FTO: variants seen among roughly 807,000 people sequenced by gnomAD.
FTO encodes the protein alpha-ketoglutarate-dependent dioxygenase FTO.
Under a neutral mutation model 63.9 loss-of-function variants are expected in FTO, and 47 were observed. That is an observed-to-expected ratio of 0.74 (90% CI 0.58 to 0.94). The LOEUF is 0.94. Among genes scored for constraint, FTO ranks in the 40% least tolerant of loss-of-function variants. The pLI is 0.00. For synonymous variants in FTO, 207 were observed against 224.4 expected (o/e 0.92, Z 0.69); for missense variants, 562 against 618.1 (o/e 0.91, Z 0.96).
chr16:53,871,499 TTA>T (rs200100946), intron 4 of FTO, among the ~76,000 whole-genome samples: 3 of 151,288 alleles, frequency 2.0e-5, no homozygotes, highest in Non-Finnish European at 3.0e-5. Context: ...GAAGCTTCAC[TTA>T]TATATATATA....
At chr16:54,063,296 A>AG (rs765641049) in intron 8 of FTO, among the ~76,000 whole-genome samples, 11 of 152,156 alleles carry the variant, frequency 7.2e-5, no homozygotes, top group Non-Finnish European at 1.6e-4. Flanking sequence ...AAGCGGAAGC[A>AG]GGGGGGCCCT....
At chr16:53,876,505 G>A (rs2151884163) in intron 5 of FTO, among the ~76,000 whole-genome samples, 1 of 152,308 alleles carries the variant, frequency 6.6e-6, no homozygotes, top group East Asian at 1.9e-4. Context: ...AGGACCCATG[G>A]AATGGGAGAA....
chr16:53,869,986 G>A (rs1255285286), intron 4 of FTO, among the ~76,000 whole-genome samples: 1 of 152,110 alleles, frequency 6.6e-6, no homozygotes, highest in African/African-American at 2.4e-5. Context: ...GTGGTGGTAA[G>A]GTATGTTGGG....
chr16:53,832,275 A>C (rs1384185085), intron 3 of FTO, among the ~76,000 whole-genome samples: 2 of 152,216 alleles, frequency 1.3e-5, no homozygotes, highest in Non-Finnish European at 2.9e-5. Flanking sequence ...AATAAGCTAT[A>C]CATATTGAAC....
chr16:53,743,527 C>T (rs535476365), intron 1 of FTO, among the ~76,000 whole-genome samples: 21 of 149,904 alleles, frequency 1.4e-4, no homozygotes, highest in African/African-American at 4.2e-4. Flanking sequence ...ATATCTCTTT[C>T]TCACTTATAA....
chr16:53,921,119 C>T lies in FTO; in HGVS notation c.1240-12866C>T, dbSNP rs375359589. On this transcript the variant is annotated intron_variant, in intron 7 of 8. Coordinates refer to ENST00000471389, the MANE Select transcript of FTO (RefSeq NM_001080432.3). ...TAGGGCCGCAGACAAAAGGCCTGTGCCCTTCCTGCATTCACAATGTTTCCA... is the reference window on the plus strand; with the variant it reads ...TAGGGCCGCAGACAAAAGGCCTGTGTCCTTCCTGCATTCACAATGTTTCCA... Among the ~76,000 whole-genome samples, 15 of 152,338 alleles carry T rather than the reference C, an allele frequency of 9.8e-5. 1 individual carries two copies. In the South Asian group the frequency reaches 1.0e-3, roughly 11 times the overall value.
rs779539101 is a variant in FTO at position 53,825,908 on chromosome 16, T to C, written c.168T>C (p.Ser56=). 6 of 1,613,898 alleles carry C rather than the reference T, an allele frequency of 3.7e-6. No individual in the cohort carries two copies. The African/African-American group carries it at 6.7e-5, about 18-fold the overall frequency. The change falls in exon 3 of 9, where the codon AGT becomes AGC. Residue 56 remains serine (S), a synonymous_variant. Transcript: ENST00000471389. ...AACTAATTCTCCGAGAAGCCAGCAG[T>C]GTATCTGAGGAGCTCCATAAAGAGG... ...YPKLILREAS[S]VSEELHKEVQ...
intron 8 of FTO, among the ~76,000 whole-genome samples, chr16:54,054,255 A>G (rs1474562196): frequency 6.6e-6 from 1 of 152,182 alleles, no homozygotes; most frequent in East Asian, 1.9e-4. Context: ...AATTAACTCC[A>G]TTACACTAAC....
At chr16:53,749,588 G>A (rs2076734225) in intron 1 of FTO, among the ~76,000 whole-genome samples, 1 of 151,924 alleles carries the variant, frequency 6.6e-6, no homozygotes, top group Non-Finnish European at 1.5e-5. Context: ...ACAGGCGCCC[G>A]CCATCACGCC....
At chr16:53,842,865 G>A (rs893983956) in intron 3 of FTO, among the ~76,000 whole-genome samples, 2 of 152,066 alleles carry the variant, frequency 1.3e-5, no homozygotes, top group African/African-American at 4.8e-5. Context: ...TGTAGAGGTA[G>A]GGTTTCACCA....
chr16:53,725,783 C>T (rs1200640663), intron 1 of FTO, among the ~76,000 whole-genome samples: 1 of 152,104 alleles, frequency 6.6e-6, no homozygotes, highest in Non-Finnish European at 1.5e-5. Flanking sequence ...AGTGTTGCCT[C>T]TGGTGTAGAC....
rs116369721 is a variant in FTO, at chr16:54,094,344, G to A, written c.1365-17418G>A. ...GCTCCAGTGGGCTTTATTCAGTGGC[G>A]GCATTGCTAGCAGCACCGCAAAAAC... On this transcript the variant is annotated intron_variant, in intron 8 of 8. Coordinates refer to ENST00000471389, the MANE Select transcript of FTO (RefSeq NM_001080432.3). Among the ~76,000 whole-genome samples the A allele has an allele frequency of 5.4e-3, 818 of 152,234 alleles. 8 individuals are homozygous for A. Among genetic ancestry groups the A allele is most frequent in the African/African-American group, 0.018 (754 of 41,546 alleles).
At chr16:53,888,713 C>T in intron 6 of FTO, 119 bp from the exon 7 acceptor site, 10 of 1,088,948 alleles carry the variant, frequency 9.2e-6, no homozygotes, top group Non-Finnish European at 1.4e-5. Context: ...TGACCTTTCT[C>T]ACCTTTTCTC....
At chr16:53,946,051 C>CGAA (rs2082643879) in intron 8 of FTO, among the ~76,000 whole-genome samples, 1 of 152,042 alleles carries the variant, frequency 6.6e-6, no homozygotes, top group Admixed American at 6.6e-5. Context: ...CTCTGGCTTT[C>CGAA]AGTTGAGGAA....
chr16:54,033,593 G>A (rs1307991966), intron 8 of FTO, among the ~76,000 whole-genome samples: 3 of 152,120 alleles, frequency 2.0e-5, no homozygotes, highest in Middle Eastern at 3.2e-3. Context: ...TGACACAGGA[G>A]GACCCTTGAG....
intron 3 of FTO, among the ~76,000 whole-genome samples, chr16:53,842,765 C>T (rs2079512533): frequency 6.6e-6 from 1 of 152,166 alleles, no homozygotes; most frequent in Non-Finnish European, 1.5e-5. Flanking sequence ...CCTCCACCTC[C>T]CAGGCTCCAG....
intron 1 of FTO, among the ~76,000 whole-genome samples, chr16:53,769,260 C>T (rs1021542875): frequency 6.6e-5 from 10 of 152,132 alleles, no homozygotes; most frequent in Non-Finnish European, 1.3e-4. Flanking sequence ...CCTTGGAGTT[C>T]ATGTTTTCAC....
At chr16:53,920,890 T>G (rs1017216209) in intron 7 of FTO, among the ~76,000 whole-genome samples, 5 of 152,216 alleles carry the variant, frequency 3.3e-5, no homozygotes, top group African/African-American at 1.2e-4. Flanking sequence ...CAGTAGGACC[T>G]TCTGGCTTCA....
chr16:53,860,519 G>C (rs1181785631), intron 4 of FTO, among the ~76,000 whole-genome samples: 1 of 152,170 alleles, frequency 6.6e-6, no homozygotes, highest in African/African-American at 2.4e-5. Flanking sequence ...GCTGGCATCT[G>C]CTTGGCTTCT....
Sources: allele counts gnomAD v4.1 joint callset (sites outside exome capture counted in the v4.1 genomes callset), GRCh38; gene constraint gnomAD v4.1.1; transcripts MANE v1.5; gene names NCBI Gene and HGNC (gene_info 2026-07-23, HGNC 2026-07-21).